The following TRIQK variants were observed in gnomAD, a reference collection of about 807,000 sequenced individuals.
The protein encoded by TRIQK is triple QxxK/R motif-containing protein.
A neutral mutation model predicts 10.8 loss-of-function variants in TRIQK; 10 were observed. The observed-to-expected ratio is 0.92, with a 90% CI of 0.57 to 1.57. TRIQK has a LOEUF of 1.57. Ranked by LOEUF, TRIQK falls within the 40% of genes most tolerant of loss-of-function variation. The probability of loss-of-function intolerance (pLI) is 0.00; values close to 1 mark genes in which losing one functional copy is unlikely to be tolerated. For synonymous variants in TRIQK, 33 were observed against 33.7 expected (o/e 0.98, Z 0.07); for missense variants, 107 against 97.7 (o/e 1.09, Z -0.40).
intron 1 of TRIQK, among the ~76,000 whole-genome samples, chr8:92,979,327 T>C (rs983574312): frequency 6.6e-6 from 1 of 152,144 alleles, no homozygotes; most frequent in Non-Finnish European, 1.5e-5. Context: ...TGTCACTCTC[T>C]GGAAGATGCA....
intron 3 of TRIQK, among the ~76,000 whole-genome samples, chr8:92,895,557 A>G (rs1808550102): frequency 6.6e-6 from 1 of 152,190 alleles, no homozygotes; most frequent in African/African-American, 2.4e-5. Flanking sequence ...TTATTTGAGT[A>G]GTCATAATCA....
At chr8:92,975,054 C>A (rs1586519652) in intron 1 of TRIQK, among the ~76,000 whole-genome samples, 3 of 152,142 alleles carry the variant, frequency 2.0e-5, no homozygotes, top group African/African-American at 4.8e-5. Context: ...CAGGGATGCT[C>A]ACCTTCTGCT....
intron 3 of TRIQK, among the ~76,000 whole-genome samples, chr8:92,915,576 C>T (rs911387902): frequency 4.0e-5 from 6 of 151,864 alleles, no homozygotes; most frequent in Non-Finnish European, 5.9e-5. Context: ...CTCTGCCTCC[C>T]GGGTTCCCGG....
intron 3 of TRIQK, among the ~76,000 whole-genome samples, chr8:92,898,831 GTGTA>G (rs1259919185): frequency 4.5e-5 from 3 of 66,870 alleles, no homozygotes; most frequent in African/African-American, 6.1e-5. Flanking sequence ...AGGTGTGTGT[GTGTA>G]TATATATATA....
upstream of TRIQK, among the ~76,000 whole-genome samples, chr8:92,969,910 A>C (rs1395645071): frequency 1.3e-5 from 2 of 152,030 alleles, no homozygotes; most frequent in South Asian, 2.1e-4. Flanking sequence ...TAAGCCCAGC[A>C]TGCATTAGTT....
At chr8:92,924,487 T>C (rs940933460) in intron 2 of TRIQK, among the ~76,000 whole-genome samples, 1 of 152,028 alleles carries the variant, frequency 6.6e-6, no homozygotes, top group Non-Finnish European at 1.5e-5. Context: ...GCAATTTGCT[T>C]TAAATGTCTT....
chr8:92,920,340 A>C (rs1183536788), intron 2 of TRIQK, among the ~76,000 whole-genome samples: 2 of 151,654 alleles, frequency 1.3e-5, no homozygotes, highest in Non-Finnish European at 3.0e-5. Context: ...TCCTTCTAGT[A>C]AGGCATTACA....
chr8:92,938,587 A>C lies in TRIQK; in HGVS notation c.-22+15819T>G, dbSNP rs561207903. The stretch of plus-strand genomic sequence containing the variant: ...GACATGATTTCTTGAAATACTTTTT[A>C]TTTCTTCCCCTGCCCCTGCCACTAT... On this transcript the variant is annotated intron_variant, in intron 2 of 4. Transcript: ENST00000521988. 1.6e-3 allele frequency among the ~76,000 whole-genome samples: 245 copies of C among 151,946 alleles called. 2 individuals carry two copies. Among genetic ancestry groups the C allele is most frequent in the African/African-American group, 5.5e-3 (230 of 41,468 alleles).
intron 1 of TRIQK, among the ~76,000 whole-genome samples, chr8:93,008,790 A>G (rs771430219): frequency 6.6e-6 from 1 of 152,222 alleles, no homozygotes; most frequent in Non-Finnish European, 1.5e-5. Flanking sequence ...ATGCAAAATA[A>G]TAAACCTAGA....
intron 1 of TRIQK, among the ~76,000 whole-genome samples, chr8:92,999,629 A>G (rs1400537506): frequency 1.3e-5 from 2 of 152,174 alleles, no homozygotes; most frequent in African/African-American, 4.8e-5. Flanking sequence ...CGTTAATTTA[A>G]CTTTCTTCAT....
intron 1 of TRIQK, among the ~76,000 whole-genome samples, chr8:93,015,583 G>C (rs1014274541): frequency 6.6e-6 from 1 of 151,252 alleles, no homozygotes; most frequent in African/African-American, 2.4e-5. Context: ...ACAAATCCTC[G>C]CTTTTGCTGT....
In TRIQK at chr8:92,886,418, A is replaced by T; in HGVS notation, c.*204T>A. ...CTGTCAAAGCAGAAAGATATATAAA[A>T]GTATCCAGTAGCACATACTATACTG... On this transcript the variant is annotated 3_prime_UTR_variant, in exon 5 of 5. Transcript: ENST00000521988. 1 of 336,190 alleles carries T rather than the reference A, an allele frequency of 3.0e-6. No homozygotes were observed. Among genetic ancestry groups the T allele is most frequent in the Non-Finnish European group, 5.4e-6 (1 of 185,142 alleles). 20.8% of individuals were successfully genotyped at this position (336,190 alleles called of 1,614,324 possible).
Position 92,989,252 on chromosome 8 carries a change from A to G in TRIQK, c.-181+28357T>C. 1.3e-5 allele frequency among the ~76,000 whole-genome samples: 2 copies of G among 152,222 alleles called. 1 individual carries two copies. The highest frequency in any genetic ancestry group is 2.9e-5 in the Non-Finnish European group (2 of 68,032). On this transcript the variant is annotated intron_variant, in intron 1 of 4. Coordinates refer to the TRIQK transcript ENST00000520686. ...AACCATAGAAGAAATTAGGGCTAGA[A>G]TAAAATATGTCAGAATACCTGAATA...
chr8:93,005,603 A>G (rs918733153), intron 1 of TRIQK, among the ~76,000 whole-genome samples: 5 of 152,178 alleles, frequency 3.3e-5, no homozygotes, highest in African/African-American at 1.2e-4. Context: ...AACAAAACTC[A>G]ACATCCCTTC....
intron 3 of TRIQK, among the ~76,000 whole-genome samples, chr8:92,912,841 C>T (rs903576095): frequency 1.3e-5 from 2 of 151,476 alleles, no homozygotes; most frequent in Admixed American, 6.6e-5. Flanking sequence ...CAGAAACTTC[C>T]CAATAAAGAA....
In TRIQK at chr8:92,891,686, C is replaced by T. The variant is rs553112101; in HGVS notation, c.147+303G>A. On this transcript the variant is annotated intron_variant, in intron 4 of 4. Transcript: ENST00000521988. The stretch of plus-strand genomic sequence containing the variant: ...ATTGAAAAACGAAAGAAATTTCTGA[C>T]GAAGGCCACATATATCACTGAAATG... 5.3e-5 allele frequency among the ~76,000 whole-genome samples: 8 copies of T among 151,864 alleles called. No homozygotes were observed. In the South Asian group the frequency reaches 1.5e-3, roughly 28 times the overall value.
chr8:92,939,633 C>A (rs1049268817), intron 2 of TRIQK, among the ~76,000 whole-genome samples: 2 of 152,140 alleles, frequency 1.3e-5, no homozygotes, highest in Non-Finnish European at 2.9e-5. Context: ...AGGGGCTATA[C>A]CTATTTGACC....
At chr8:92,917,566 T>C (rs1191767576) in intron 2 of TRIQK, among the ~76,000 whole-genome samples, 2 of 151,988 alleles carry the variant, frequency 1.3e-5, no homozygotes, top group Non-Finnish European at 2.9e-5. Flanking sequence ...CTTATTACCT[T>C]ATATGCACTG....
chr8:92,913,308 G>T (rs997174119), intron 3 of TRIQK, among the ~76,000 whole-genome samples: 1 of 152,216 alleles, frequency 6.6e-6, no homozygotes, highest in East Asian at 1.9e-4. Context: ...AGTGGGCAAA[G>T]GATATGAACA....
Sources: allele counts gnomAD v4.1 joint callset (sites outside exome capture counted in the v4.1 genomes callset), GRCh38; gene constraint gnomAD v4.1.1; transcripts MANE v1.5; gene names NCBI Gene and HGNC (gene_info 2026-07-23, HGNC 2026-07-21).